Variants in CCDC146 observed in about 807,000 individuals in gnomAD.
CCDC146 encodes coiled-coil domain-containing protein 146.
CCDC146 carries 92 observed loss-of-function variants against 119.3 expected under a neutral mutation model. The observed-to-expected ratio is 0.77, with a 90% CI of 0.65 to 0.92. The LOEUF is 0.92. Ranked by LOEUF, CCDC146 falls within the 40% of genes least tolerant of loss-of-function variation. The pLI, the probability that CCDC146 is intolerant of heterozygous loss-of-function variation, is 0.00. For synonymous variants in CCDC146, 372 were observed against 371.8 expected, an observed-to-expected ratio of 1.00 and a Z score of -0.01; for missense variants, 1,000 against 1,103.0, an observed-to-expected ratio of 0.91 and a Z score of 1.32.
chr7:77,278,697 A>C (rs544877423), intron 11 of CCDC146, 55 bp from the exon 12 acceptor site: 2 of 1,206,580 alleles, frequency 1.7e-6, no homozygotes, highest in African/African-American at 3.0e-5. Flanking sequence ...ATGTGGGATA[A>C]ATCTGGGAGT....
intron 17 of CCDC146, among the ~76,000 whole-genome samples, chr7:77,290,327 G>A (rs7779290): frequency 0.16 from 24,105 of 151,754 alleles, 3,261 homozygotes; most frequent in African/African-American, 0.37. Context: ...GTATACATAT[G>A]TAACAAATCT....
chr7:77,293,676 C>G (rs79151405), intron 18 of CCDC146, among the ~76,000 whole-genome samples: 1,658 of 152,350 alleles, frequency 0.011, 30 homozygotes, highest in African/African-American at 0.038. Flanking sequence ...AGCGCCACCC[C>G]TTTCTTTTCC....
At chr7:77,272,242 C>T (rs1451098541) in intron 9 of CCDC146, among the ~76,000 whole-genome samples, 1 of 152,200 alleles carries the variant, frequency 6.6e-6, no homozygotes, top group East Asian at 1.9e-4. Context: ...TATTGTCAGA[C>T]ATGTTTCACA....
intron 2 of CCDC146, chr7:77,199,422 C>T (rs1324655929): frequency 6.2e-7 from 1 of 1,614,160 alleles, no homozygotes; most frequent in South Asian, 1.1e-5. Context: ...TATCACCAAC[C>T]TCTCCCGGGG....
chr7:77,250,372 GACAA>G (rs1483922932), intron 4 of CCDC146, among the ~76,000 whole-genome samples: 1 of 152,104 alleles, frequency 6.6e-6, no homozygotes, highest in African/African-American at 2.4e-5. Context: ...CAGGTCTATT[GACAA>G]ACAAATGTCC....
chr7:77,242,251 C>T (rs1792864265), intron 4 of CCDC146: 2 of 400,286 alleles, frequency 5.0e-6, no homozygotes, highest in Non-Finnish European at 7.6e-6. Context: ...ATAGCAGTAC[C>T]AGAGCACGCA....
intron 1 of CCDC146, among the ~76,000 whole-genome samples, chr7:77,165,598 T>C (rs1791327765): frequency 6.6e-6 from 1 of 152,120 alleles, no homozygotes; most frequent in South Asian, 2.1e-4. Flanking sequence ...ATGGCAGCAA[T>C]AGCAGCAGAG....
intron 2 of CCDC146, among the ~76,000 whole-genome samples, chr7:77,231,282 C>T (rs565626022): frequency 1.4e-4 from 22 of 152,118 alleles, no homozygotes; most frequent in Admixed American, 6.5e-4. Flanking sequence ...AATTTGGATA[C>T]GCCAAAGAGA....
Position 77,196,333 on chromosome 7 carries a change from C to T in CCDC146, c.156+28509C>T. ...TCATCTTAGCCTCTTTGAAGGAGGA[C>T]TTGTAGCCACCAGGGTGTGCCTCAC... On this transcript the variant is annotated intron_variant, in intron 2 of 18. Coordinates refer to ENST00000285871, the MANE Select transcript of CCDC146 (RefSeq NM_020879.3). This position sits in a 1 kb window ranked among gnomAD's most constrained non-coding sequence, Gnocchi z 4.2. 1 of 1,614,100 alleles carries T rather than the reference C, an allele frequency of 6.2e-7. No individual in the cohort carries two copies. The highest frequency in any genetic ancestry group is 1.7e-4 in the Middle Eastern group (1 of 6,060).
At chr7:77,158,667 C>T (rs571418919) in intron 1 of CCDC146, among the ~76,000 whole-genome samples, 2 of 151,988 alleles carry the variant, frequency 1.3e-5, no homozygotes, top group African/African-American at 4.8e-5. Context: ...TTACAGGCGC[C>T]CACCACCATG....
intron 1 of CCDC146, among the ~76,000 whole-genome samples, chr7:77,163,835 T>TTTTC (rs939377714): frequency 1.3e-5 from 2 of 150,416 alleles, no homozygotes; most frequent in African/African-American, 2.4e-5. Context: ...TTGAAACAGT[T>TTTTC]TTTCTTTCTT....
At chr7:77,124,126 A>G (rs1033622943) in intron 1 of CCDC146, among the ~76,000 whole-genome samples, 26 of 152,160 alleles carry the variant, frequency 1.7e-4, no homozygotes, top group African/African-American at 5.8e-4. Context: ...GTCTATGGTA[A>G]TTTTTCCGTT....
intron 2 of CCDC146, among the ~76,000 whole-genome samples, chr7:77,204,176 A>C (rs1378857340): frequency 6.6e-6 from 1 of 152,192 alleles, no homozygotes; most frequent in Non-Finnish European, 1.5e-5. Context: ...AGGAACCTTT[A>C]ATTGTTCTTT....
chr7:77,126,257 T>C (rs191354275), intron 1 of CCDC146, among the ~76,000 whole-genome samples: 4 of 152,216 alleles, frequency 2.6e-5, no homozygotes, highest in African/African-American at 9.6e-5. Flanking sequence ...ATTACAGTGA[T>C]TGATTTTCAA....
intron 2 of CCDC146, among the ~76,000 whole-genome samples, chr7:77,189,571 T>C (rs1791727514): frequency 6.6e-6 from 1 of 152,130 alleles, no homozygotes; most frequent in Non-Finnish European, 1.5e-5. Context: ...ATCTACTCAG[T>C]GTAAAAGGCA....
chr7:77,263,741 T>C (rs1466580409), intron 9 of CCDC146, among the ~76,000 whole-genome samples: 1 of 152,186 alleles, frequency 6.6e-6, no homozygotes, highest in East Asian at 1.9e-4. Context: ...CTGGCCAACA[T>C]GGTGAAACCC....
intron 2 of CCDC146, among the ~76,000 whole-genome samples, chr7:77,168,765 G>T (rs1191451212): frequency 3.9e-5 from 6 of 152,042 alleles, no homozygotes; most frequent in African/African-American, 1.4e-4. Context: ...CTTTAACCCA[G>T]ATTTCTCAGA....
chr7:77,276,617 A>G (rs1680972491), intron 11 of CCDC146, among the ~76,000 whole-genome samples: 1 of 152,192 alleles, frequency 6.6e-6, no homozygotes, highest in Non-Finnish European at 1.5e-5. Context: ...TCCATAATGA[A>G]GGCTGCAGCA....
intron 4 of CCDC146, among the ~76,000 whole-genome samples, chr7:77,253,599 A>G (rs1793120422): frequency 6.6e-6 from 1 of 152,216 alleles, no homozygotes. Flanking sequence ...CTGGATGGCA[A>G]CTATACGCAG....
Sources: allele counts gnomAD v4.1 joint callset (sites outside exome capture counted in the v4.1 genomes callset), GRCh38; gene constraint gnomAD v4.1.1; non-coding constraint Gnocchi (gnomAD v3.1); transcripts MANE v1.5; gene names NCBI Gene and HGNC (gene_info 2026-07-23, HGNC 2026-07-21).